Variants in PDE10A observed in about 807,000 individuals in gnomAD.
PDE10A encodes the protein phosphodiesterase 10A, also known as cAMP and cAMP-inhibited cGMP 3',5'-cyclic phosphodiesterase 10A.
A neutral mutation model predicts 97.7 loss-of-function variants in PDE10A; 39 were observed. That is an observed-to-expected ratio of 0.40 (90% CI 0.31 to 0.52). The LOEUF is 0.52. Ranked by LOEUF, PDE10A falls within the 20% of genes least tolerant of loss-of-function variation. PDE10A has a pLI of 0.56. For synonymous variants in PDE10A, 371 were observed against 376.8 expected (o/e 0.98, Z 0.18); for missense variants, 731 against 1,047.8 (o/e 0.70, Z 4.17).
rs1401781948 is a variant in PDE10A at position 165,396,443 on chromosome 6, C to T, written c.2093G>A (p.Arg698His). ...TACCCGGTAAATGCACTCTGAGTGG[C>T]GAATTCTATGATACATCTAGAAGGC... ...LHCANMYHRI[R>H]HSECIYRVTM... The change falls in exon 14 of 22, where the codon CGC becomes CAC. Residue 698 changes from arginine (R) to histidine (H), a missense_variant. By Grantham distance (29) the Arg-to-His change is conservative. This residue lies in a region of PDE10A where 131 missense variants were observed against 187.4 expected (regional missense o/e 0.70). Coordinates refer to ENST00000539869, the MANE Select transcript of PDE10A (RefSeq NM_001385079.1). 3 of 1,609,538 alleles carry T rather than the reference C, an allele frequency of 1.9e-6. No individual in the cohort carries two copies. Among genetic ancestry groups the T allele is most frequent in the African/African-American group, 1.3e-5 (1 of 74,558 alleles).
chr6:165,357,941 A>G (rs563585102), intron 18 of PDE10A, among the ~76,000 whole-genome samples: 1 of 152,236 alleles, frequency 6.6e-6, no homozygotes, highest in South Asian at 2.1e-4. Flanking sequence ...TGATGAACAT[A>G]CACATTGAAA....
intron 1 of PDE10A, among the ~76,000 whole-genome samples, chr6:165,729,308 T>C (rs1445972966): frequency 6.6e-6 from 1 of 152,208 alleles, no homozygotes; most frequent in East Asian, 1.9e-4. Context: ...GATTTAATTT[T>C]TTCTGCCCAA....
intron 1 of PDE10A, among the ~76,000 whole-genome samples, chr6:165,915,919 C>T (rs1290636578): frequency 1.3e-5 from 2 of 152,208 alleles, no homozygotes; most frequent in East Asian, 3.8e-4. Flanking sequence ...GCTTCTGCGA[C>T]AACCAAAGTC....
chr6:165,771,654 TAA>T (rs35902541), intron 1 of PDE10A, among the ~76,000 whole-genome samples: 5,665 of 106,298 alleles, frequency 0.053, 99 homozygotes, highest in Non-Finnish European at 0.067. Flanking sequence ...TTTAACAAGA[TAA>T]AAAAAAAAAA....
chr6:165,625,724 G>GCTA (rs1562640690), intron 1 of PDE10A, among the ~76,000 whole-genome samples: 5 of 151,676 alleles, frequency 3.3e-5, no homozygotes, highest in East Asian at 3.9e-4. Context: ...CTCTCTTGCT[G>GCTA]CCATGTAAGA....
chr6:165,495,670 G>T (rs531289505), intron 2 of PDE10A, among the ~76,000 whole-genome samples: 27 of 152,114 alleles, frequency 1.8e-4, no homozygotes, highest in African/African-American at 4.8e-4. Context: ...AAATTCCTTT[G>T]CTCTAATCTG....
intron 1 of PDE10A, among the ~76,000 whole-genome samples, chr6:165,606,106 A>C (rs1038235811): frequency 4.1e-5 from 6 of 147,982 alleles, no homozygotes; most frequent in Non-Finnish European, 8.9e-5. Flanking sequence ...AGTCATTAGG[A>C]GTCACACAGT....
In PDE10A at chr6:165,543,521, C is replaced by A. The variant is rs1383762566; in HGVS notation, c.913G>T (p.Val305Leu). The change falls in exon 2 of 22, where the codon GTA (valine) becomes TTA (leucine). Residue 305 changes from valine (V) to leucine (L), a missense_variant. Physicochemically the swap from Val to Leu is conservative, Grantham distance 32. This residue lies in a region of PDE10A where 181 missense variants were observed against 159.1 expected (regional missense o/e 1.14). Coordinates refer to ENST00000539869, the MANE Select transcript of PDE10A (RefSeq NM_001385079.1). ...VKAYLSLHPQ[V>L]LDEFVSESVS... Reference sequence around the variant, plus strand: ...CTTTCAGATACAAATTCATCTAATACCTGGGGGTGAAGAGAAAGATATGCC... The same window carrying A: ...CTTTCAGATACAAATTCATCTAATAACTGGGGGTGAAGAGAAAGATATGCC... 1.2e-6 allele frequency: 2 copies of A among 1,610,958 alleles called. No homozygotes were observed. Among genetic ancestry groups the A allele is most frequent in the East Asian group, 4.5e-5 (2 of 44,802 alleles).
chr6:165,701,593 G>T (rs115865491), intron 1 of PDE10A, among the ~76,000 whole-genome samples: 2,420 of 152,276 alleles, frequency 0.016, 65 homozygotes, highest in African/African-American at 0.056. Context: ...AGCAAGAGAA[G>T]TGAGAACCAG....
chr6:165,399,773 G>T (rs148922711), intron 13 of PDE10A, among the ~76,000 whole-genome samples: 1,975 of 152,234 alleles, frequency 0.013, 39 homozygotes, highest in South Asian at 0.059. Context: ...TTTTATGGCT[G>T]CATAGTATTC....
chr6:165,843,276 G>C (rs983133535), intron 1 of PDE10A, among the ~76,000 whole-genome samples: 6 of 152,310 alleles, frequency 3.9e-5, no homozygotes, highest in South Asian at 4.1e-4. Context: ...AAAAGGTGGA[G>C]TGGATTCTGG....
chr6:165,667,399 G>A (rs920435079), upstream of PDE10A, among the ~76,000 whole-genome samples: 1 of 152,008 alleles, frequency 6.6e-6, no homozygotes. Flanking sequence ...AAAACAAATT[G>A]CAGTTGTATT....
intron 3 of PDE10A, among the ~76,000 whole-genome samples, chr6:165,471,040 T>C (rs1415270728): frequency 1.3e-5 from 2 of 152,192 alleles, no homozygotes; most frequent in Non-Finnish European, 2.9e-5. Flanking sequence ...ACAATTTCTC[T>C]TCTCTCACAA....
chr6:165,941,208 C>T (rs1434198719), intron 1 of PDE10A, among the ~76,000 whole-genome samples: 5 of 152,118 alleles, frequency 3.3e-5, no homozygotes, highest in Non-Finnish European at 1.5e-5. Context: ...AAGGACTAAA[C>T]CAGATGATAC....
intron 1 of PDE10A, among the ~76,000 whole-genome samples, chr6:165,652,808 A>G (rs1727495192): frequency 6.6e-6 from 1 of 152,236 alleles, no homozygotes; most frequent in South Asian, 2.1e-4. Context: ...GCCCTTCATA[A>G]GCAACACTTT....
At chr6:165,614,462 G>A (rs918214615) in intron 1 of PDE10A, among the ~76,000 whole-genome samples, 1 of 152,052 alleles carries the variant, frequency 6.6e-6, no homozygotes. Flanking sequence ...TGCTTCTCAC[G>A]TCTGTCCTCA....
intron 1 of PDE10A, among the ~76,000 whole-genome samples, chr6:165,984,524 C>G (rs1358639074): frequency 6.6e-6 from 1 of 152,186 alleles, no homozygotes; most frequent in East Asian, 1.9e-4. Flanking sequence ...CTGCTCTTAA[C>G]CAAAAGAAAA....
chr6:165,740,312 G>A (rs1053394215), intron 1 of PDE10A, among the ~76,000 whole-genome samples: 2 of 116,484 alleles, frequency 1.7e-5, no homozygotes, highest in South Asian at 3.3e-4. Flanking sequence ...TATATATGGA[G>A]AGAAAGAGAG....
At chr6:165,715,054 G>A (rs978779284) in intron 1 of PDE10A, among the ~76,000 whole-genome samples, 5 of 152,254 alleles carry the variant, frequency 3.3e-5, no homozygotes, top group African/African-American at 4.8e-5. Flanking sequence ...CCCACGGGCC[G>A]CGAGGGTAGA....
Sources: allele counts gnomAD v4.1 joint callset (sites outside exome capture counted in the v4.1 genomes callset), GRCh38; gene constraint gnomAD v4.1.1; regional missense constraint gnomAD v4.1.1; transcripts MANE v1.5; gene names NCBI Gene and HGNC (gene_info 2026-07-23, HGNC 2026-07-21).